Variants in SGCD observed in about 807,000 individuals in gnomAD.
The protein encoded by SGCD is delta-sarcoglycan.
SGCD carries 18 observed loss-of-function variants against 36.6 expected under a neutral mutation model. That is an observed-to-expected ratio of 0.49 (90% CI 0.34 to 0.73). SGCD has a LOEUF of 0.73. SGCD is among the 30% of genes least tolerant of loss of function. The pLI is 0.01. For synonymous variants in SGCD, 133 were observed against 130.6 expected, an observed-to-expected ratio of 1.02 and a Z score of -0.12; for missense variants, 387 against 346.7, an observed-to-expected ratio of 1.12 and a Z score of -0.92.
At chr5:156,438,269 C>T (rs556449083) in intron 3 of SGCD, among the ~76,000 whole-genome samples, 1 of 152,084 alleles carries the variant, frequency 6.6e-6, no homozygotes, top group Non-Finnish European at 1.5e-5. Flanking sequence ...GCTTTTCTGG[C>T]GGTTTTGACC....
chr5:156,429,355 G>T (rs573081622), intron 3 of SGCD, among the ~76,000 whole-genome samples: 11 of 145,516 alleles, frequency 7.6e-5, no homozygotes, highest in African/African-American at 2.8e-4. Context: ...GTTTCCGTTT[G>T]CCTAGAATAT....
chr5:156,041,381 A>G (rs1007129801), intron 1 of SGCD, among the ~76,000 whole-genome samples: 1 of 152,158 alleles, frequency 6.6e-6, no homozygotes, highest in Non-Finnish European at 1.5e-5. Flanking sequence ...ATGAGGAAGG[A>G]TAGGAGCACA....
At chr5:155,749,662 C>T in the SGCD span, among the ~76,000 whole-genome samples, 4 of 152,286 alleles carry the variant, frequency 2.6e-5, no homozygotes, top group South Asian at 2.1e-4. Flanking sequence ...CAGAGCCTTA[C>T]GGCTGACTGC....
At chr5:156,403,453 T>C (rs1262416408) in intron 3 of SGCD, among the ~76,000 whole-genome samples, 4 of 152,240 alleles carry the variant, frequency 2.6e-5, no homozygotes, top group Admixed American at 2.6e-4. Flanking sequence ...GCAGGTAATT[T>C]AACCTCCACA....
rs200120471 is a variant in SGCD, at chr5:156,209,152, AC to A, written c.-44+85136del. Among the ~76,000 whole-genome samples, 4 of 152,156 alleles carry A rather than the reference AC, an allele frequency of 2.6e-5. No homozygotes were observed. In the East Asian group the frequency reaches 7.7e-4, roughly 29 times the overall value. ...ATAACACCCATGAGCAAAGCCTGCA[AC>A]CCATTTACTGCCAGGCAGAATTTCA... On this transcript the variant is annotated intron_variant, in intron 3 of 9. Coordinates refer to the SGCD transcript ENST00000517913.
At chr5:156,607,896 C>A (rs1381459072) in intron 6 of SGCD, among the ~76,000 whole-genome samples, 1 of 152,088 alleles carries the variant, frequency 6.6e-6, no homozygotes, top group Non-Finnish European at 1.5e-5. Flanking sequence ...GTGATATCCC[C>A]TTTATCATTT....
intron 3 of SGCD, among the ~76,000 whole-genome samples, chr5:156,202,775 A>G (rs1297231741): frequency 7.1e-6 from 1 of 141,080 alleles, no homozygotes; most frequent in Non-Finnish European, 1.5e-5. Context: ...TTTTTTTTCA[A>G]TTAAAAAGAC....
chr5:156,355,664 TCTGA>T (rs1161412099), intron 3 of SGCD, among the ~76,000 whole-genome samples: 7 of 152,066 alleles, frequency 4.6e-5, no homozygotes, highest in African/African-American at 1.2e-4. Flanking sequence ...TGAGACAGAG[TCTGA>T]CTGTGTTGCC....
At chr5:156,524,372 CCTTA>C (rs1042702762) in intron 4 of SGCD, among the ~76,000 whole-genome samples, 5 of 147,942 alleles carry the variant, frequency 3.4e-5, no homozygotes, top group African/African-American at 9.9e-5. Context: ...CTTTACCATT[CCTTA>C]CTTCTTGTTT....
intron 3 of SGCD, among the ~76,000 whole-genome samples, chr5:156,188,530 G>T (rs12189076): frequency 6.6e-6 from 1 of 151,756 alleles, no homozygotes; most frequent in South Asian, 2.1e-4. Context: ...GCTTCTGAGA[G>T]CCTTTCCTTC....
intron 6 of SGCD, among the ~76,000 whole-genome samples, chr5:156,628,088 G>A (rs1029412298): frequency 2.0e-5 from 3 of 152,246 alleles, no homozygotes; most frequent in Admixed American, 2.0e-4. Flanking sequence ...AGGCAGAGGG[G>A]GAGCAAGCAC....
At chr5:156,612,560 G>A (rs1761864850) in intron 6 of SGCD, among the ~76,000 whole-genome samples, 1 of 152,270 alleles carries the variant, frequency 6.6e-6, no homozygotes, top group Non-Finnish European at 1.5e-5. Flanking sequence ...AGCCAGCTGT[G>A]TGTCACCTTC....
intron 3 of SGCD, among the ~76,000 whole-genome samples, chr5:156,132,624 A>G (rs2436331): frequency 0.097 from 14,474 of 149,558 alleles, 754 homozygotes; most frequent in South Asian, 0.15. Flanking sequence ...GCCCACCACC[A>G]CGCCCGGCTA....
chr5:156,706,449 G>T (rs1033688256), intron 7 of SGCD, among the ~76,000 whole-genome samples: 1 of 151,880 alleles, frequency 6.6e-6, no homozygotes, highest in African/African-American at 2.4e-5. Context: ...CCTTAACCCC[G>T]CCTTAAGACC....
chr5:156,577,541 T>G (rs1760021452), intron 4 of SGCD, among the ~76,000 whole-genome samples: 1 of 152,202 alleles, frequency 6.6e-6, no homozygotes, highest in Middle Eastern at 3.2e-3. Context: ...ATCCTTCCTA[T>G]CCATGAGCGT....
chr5:156,344,448 G>T lies in SGCD; in HGVS notation c.4-41G>T, dbSNP rs200386436. On this transcript the variant is annotated intron_variant, in intron 2 of 8. Transcript: ENST00000337851. ...TTTATTTTTTTTCTCTTCTCTCAGC[G>T]GTTTAATGTGAGTGCTTCTCTCTTG... 0.01 allele frequency: 13,921 copies of T among 1,350,004 alleles called. 107 individuals are homozygous for T. The highest frequency in any genetic ancestry group is 0.012 in the Non-Finnish European group (11,706 of 993,106). 83.6% of individuals were successfully genotyped at this position (1,350,004 alleles called of 1,614,324 possible). A position where few individuals can be genotyped will look rare whatever the true frequency, so the allele number is the denominator to read the frequency against.
the SGCD span, among the ~76,000 whole-genome samples, chr5:155,728,692 G>A: frequency 6.6e-6 from 1 of 151,788 alleles, no homozygotes; most frequent in African/African-American, 2.4e-5. Flanking sequence ...GGGCGCACCC[G>A]GACGCTCGAG....
At chr5:155,885,285 G>A (rs1755974781) in intron 1 of SGCD, among the ~76,000 whole-genome samples, 1 of 115,594 alleles carries the variant, frequency 8.7e-6, no homozygotes, top group African/African-American at 4.4e-5. Flanking sequence ...AGCTTAGTAT[G>A]GCCAAACAGA....
chr5:156,691,471 G>A (rs1754109423), intron 7 of SGCD, among the ~76,000 whole-genome samples: 1 of 152,026 alleles, frequency 6.6e-6, no homozygotes, highest in South Asian at 2.1e-4. Context: ...TTCTGTAATA[G>A]TAATATTTTA....
Sources: gnomAD v4.1 joint callset for allele counts (sites outside exome capture counted in the v4.1 genomes callset) on GRCh38, gnomAD v4.1.1 for gene constraint, MANE v1.5 for transcripts, NCBI Gene and HGNC (gene_info 2026-07-23, HGNC 2026-07-21) for gene names.